CNOT2: variants seen among roughly 807,000 people sequenced by gnomAD.
CNOT2 encodes CC chemokine receptor 4-negative regulator of transcription 2.
In CNOT2, 7 loss-of-function variants were observed where a neutral mutation model predicts 72.1. That is an observed-to-expected ratio of 0.10 (90% CI 0.06 to 0.18). The LOEUF (loss-of-function observed/expected upper bound fraction) is 0.18, where lower values mean the gene tolerates loss of function less well. CNOT2 is among the 10% of genes least tolerant of loss of function. The pLI is 1.00. For synonymous variants in CNOT2, 196 were observed against 225.6 expected, an observed-to-expected ratio of 0.87 and a Z score of 1.17; for missense variants, 345 against 660.3, an observed-to-expected ratio of 0.52 and a Z score of 5.23.
intron 14 of CNOT2, chr12:70,345,947 T>G: frequency 2.8e-6 from 1 of 363,298 alleles, no homozygotes; most frequent in Admixed American, 4.6e-5. Context: ...TTTCTTTAGT[T>G]AAATAAAAGT....
rs534309473 is a variant in CNOT2, at chr12:70,300,327, T to C, written c.49-10568T>C. ...TGTCCTGAATGGTATTGCCTAGGTT[T>C]TCTTCTAGAGTTTTTATGGTTTTAG... On this transcript the variant is annotated intron_variant, in intron 2 of 15. Coordinates refer to ENST00000229195, the MANE Select transcript of CNOT2 (RefSeq NM_014515.7). 1.8e-3 allele frequency among the ~76,000 whole-genome samples: 277 copies of C among 152,374 alleles called. 1 individual carries two copies. Among genetic ancestry groups the C allele is most frequent in the African/African-American group, 6.5e-3 (272 of 41,584 alleles).
chr12:70,243,514 G>A (rs1220180624), intron 1 of CNOT2, 34 bp downstream of exon 1: 1 of 152,532 alleles, frequency 6.6e-6, no homozygotes, highest in South Asian at 2.1e-4. Context: ...AAGTCTGGCA[G>A]CGGGGCGCGC....
intron 4 of CNOT2, among the ~76,000 whole-genome samples, chr12:70,327,257 T>G (rs1879225359): frequency 6.6e-6 from 1 of 151,464 alleles, no homozygotes; most frequent in Non-Finnish European, 1.5e-5. Context: ...CTGATAGGTA[T>G]GACGATGAGA....
intron 14 of CNOT2, chr12:70,345,594 AT>A (rs1386390367): frequency 6.6e-6 from 1 of 152,230 alleles, no homozygotes. Flanking sequence ...GTAAATTCTC[AT>A]TGATTCTTTT....
chr12:70,288,642 A>C (rs749239649), intron 2 of CNOT2, among the ~76,000 whole-genome samples: 1 of 152,024 alleles, frequency 6.6e-6, no homozygotes, highest in Non-Finnish European at 1.5e-5. Context: ...TATTTTGTTC[A>C]TTGCTGTATC....
intron 4 of CNOT2, among the ~76,000 whole-genome samples, chr12:70,328,260 G>A (rs536947844): frequency 3.2e-4 from 49 of 152,002 alleles, no homozygotes; most frequent in African/African-American, 1.1e-3. Flanking sequence ...TGAGATACTC[G>A]CTAACCACTC....
intron 1 of CNOT2, among the ~76,000 whole-genome samples, chr12:70,274,823 T>C (rs923207898): frequency 6.6e-6 from 1 of 152,038 alleles, no homozygotes; most frequent in Non-Finnish European, 1.5e-5. Context: ...GTAGCAAAAA[T>C]GCACTTAAGA....
chr12:70,303,543 T>C (rs1874539252), intron 2 of CNOT2, among the ~76,000 whole-genome samples: 2 of 152,202 alleles, frequency 1.3e-5, no homozygotes, highest in African/African-American at 4.8e-5. Flanking sequence ...TGAATATTGG[T>C]CCCCACTCTC....
Position 70,277,489 on chromosome 12 carries a change from A to G in CNOT2, c.-95-643A>G, listed in dbSNP as rs192561754. 1.9e-3 allele frequency among the ~76,000 whole-genome samples: 295 copies of G among 152,230 alleles called. 4 individuals are homozygous for G. Among genetic ancestry groups the G allele is most frequent in the African/African-American group, 6.7e-3 (279 of 41,542 alleles). ...CCCAATGTAAAAAAGTGAATTCCCTATTGGAGTATGCATGAAATTGGATGA... is the reference window on the plus strand; with the variant it reads ...CCCAATGTAAAAAAGTGAATTCCCTGTTGGAGTATGCATGAAATTGGATGA... On this transcript the variant is annotated intron_variant, in intron 1 of 15. Coordinates refer to ENST00000229195, the MANE Select transcript of CNOT2 (RefSeq NM_014515.7).
intron 1 of CNOT2, among the ~76,000 whole-genome samples, chr12:70,255,315 T>G (rs1257929945): frequency 1.3e-5 from 2 of 152,194 alleles, no homozygotes; most frequent in South Asian, 4.1e-4. Context: ...TCTGTTTTTT[T>G]GAAATTCATT....
At chr12:70,272,972 A>G (rs1868292766) in intron 1 of CNOT2, among the ~76,000 whole-genome samples, 1 of 152,206 alleles carries the variant, frequency 6.6e-6, no homozygotes, top group African/African-American at 2.4e-5. Flanking sequence ...CTTTGTGCCT[A>G]TCTAAGGCCA....
At position 70,254,213 on chromosome 12, in the gene CNOT2, G is replaced by A. The variant is rs189022536; in HGVS notation, c.-96+10733G>A. 4.4e-3 allele frequency among the ~76,000 whole-genome samples: 647 copies of A among 147,868 alleles called. 1 individual carries two copies. Among genetic ancestry groups the A allele is most frequent in the African/African-American group, 0.016 (619 of 39,786 alleles). ...AGATCACGCCACTGCACTCCAGCCT[G>A]GGGGACAGAGCGAGACTCTGTCTCA... is the stretch of plus-strand genomic sequence containing the variant. On this transcript the variant is annotated intron_variant, in intron 1 of 15. Coordinates refer to ENST00000229195, the MANE Select transcript of CNOT2 (RefSeq NM_014515.7).
intron 11 of CNOT2, 51 bp downstream of exon 11, chr12:70,338,873 C>A: frequency 6.8e-7 from 1 of 1,460,088 alleles, no homozygotes; most frequent in South Asian, 1.2e-5. Flanking sequence ...CTTCAGACTT[C>A]CAGTTTTTAA....
At chr12:70,304,049 T>TC (rs1168442844) in intron 2 of CNOT2, among the ~76,000 whole-genome samples, 4 of 152,224 alleles carry the variant, frequency 2.6e-5, no homozygotes, top group Admixed American at 1.3e-4. Flanking sequence ...GGTTTTCAGC[T>TC]CCATCAGGTC....
chr12:70,320,076 A>C (rs1349351099), intron 4 of CNOT2, among the ~76,000 whole-genome samples: 2 of 151,720 alleles, frequency 1.3e-5, no homozygotes, highest in African/African-American at 2.4e-5. Flanking sequence ...GTTAAATATT[A>C]GTATGATTTT....
chr12:70,302,794 C>G (rs1352328082), intron 2 of CNOT2, among the ~76,000 whole-genome samples: 1 of 152,158 alleles, frequency 6.6e-6, no homozygotes. Context: ...TCTCGTTGAT[C>G]TGTCTAATGT....
chr12:70,350,920 G>T (rs1016054773), intron 15 of CNOT2, among the ~76,000 whole-genome samples: 3 of 152,208 alleles, frequency 2.0e-5, no homozygotes, highest in Middle Eastern at 6.8e-3. Flanking sequence ...CTAGATCAGT[G>T]ATTACATTAA....
At chr12:70,327,753 C>G (rs1364568469) in intron 4 of CNOT2, 2 of 151,672 alleles carry the variant, frequency 1.3e-5, no homozygotes, top group Non-Finnish European at 2.9e-5. Flanking sequence ...GCCATATCCC[C>G]AGCAGCTAGC....
chr12:70,341,653 G>A (rs1881522045), intron 11 of CNOT2, among the ~76,000 whole-genome samples: 1 of 151,998 alleles, frequency 6.6e-6, no homozygotes, highest in South Asian at 2.1e-4. Flanking sequence ...ACAGTGCCAG[G>A]CATATAATAG....
Sources: allele counts gnomAD v4.1 joint callset (sites outside exome capture counted in the v4.1 genomes callset), GRCh38; gene constraint gnomAD v4.1.1; transcripts MANE v1.5; gene names NCBI Gene and HGNC (gene_info 2026-07-23, HGNC 2026-07-21).